Variants in SYT16 observed in about 807,000 individuals in gnomAD.
The protein encoded by SYT16 is synaptotagmin 16, also known as synaptotagmin-16.
Under a neutral mutation model 61.4 loss-of-function variants are expected in SYT16, and 42 were observed. That is an observed-to-expected ratio of 0.68 (90% CI 0.53 to 0.89). The LOEUF is 0.89. SYT16 is among the 40% of genes least tolerant of loss of function. The pLI, the probability that SYT16 is intolerant of heterozygous loss-of-function variation, is 0.00. For missense variants in SYT16, 804 were observed against 807.3 expected (o/e 1.00, Z 0.05); for synonymous variants, 314 against 302.3 (o/e 1.04, Z -0.40).
intron 1 of SYT16, among the ~76,000 whole-genome samples, chr14:61,898,938 T>A (rs1160915209): frequency 6.6e-6 from 1 of 152,188 alleles, no homozygotes; most frequent in Non-Finnish European, 1.5e-5. Context: ...TTGAGTTTTA[T>A]TTTTCATATT....
At chr14:62,099,022 G>C (rs2057350627) in intron 7 of SYT16, among the ~76,000 whole-genome samples, 1 of 152,158 alleles carries the variant, frequency 6.6e-6, no homozygotes, top group South Asian at 2.1e-4. Flanking sequence ...TGGAGGAGGG[G>C]AGGAAGTTCA....
chr14:61,865,061 G>C (rs2047101262), intron 1 of SYT16: 1 of 1,398,626 alleles, frequency 7.1e-7, no homozygotes, highest in Admixed American at 1.7e-5. Context: ...CTGCAGGCTC[G>C]ACTGTGCAGC....
At chr14:61,845,289 C>T (rs561380943) in intron 1 of SYT16, among the ~76,000 whole-genome samples, 1 of 152,134 alleles carries the variant, frequency 6.6e-6, no homozygotes, top group East Asian at 1.9e-4. Context: ...CCTCGTGATT[C>T]GCCTGCCTCA....
rs1008515917 is a variant in SYT16 at position 62,100,745 on chromosome 14, G to A, written c.*38G>A. The stretch of plus-strand genomic sequence containing the variant: ...GCATTTGTGTGCTGTGTCCACCTTG[G>A]TTACCTGTGTTGCTGTCTACTGACA... On this transcript the variant is annotated 3_prime_UTR_variant, in exon 8 of 8. Transcript: ENST00000683842. The A allele has an allele frequency of 2.5e-6, 4 of 1,579,848 alleles. No individual in the cohort carries two copies. The African/African-American group carries it at 4.0e-5, about 16-fold the overall frequency.
At position 61,846,388 on chromosome 14, in the gene SYT16, C is replaced by T. The variant is rs144875868; in HGVS notation, c.-325+33578C>T. ...AAGTTGTTATATCCTCCTGCTGAATCGACCCCTTTATCATTATATGGTGAC... is the reference window on the plus strand; with the variant it reads ...AAGTTGTTATATCCTCCTGCTGAATTGACCCCTTTATCATTATATGGTGAC... On this transcript the variant is annotated intron_variant, in intron 1 of 7. Transcript: ENST00000683842. Among the ~76,000 whole-genome samples the T allele has an allele frequency of 1.0e-2, 1,517 of 152,208 alleles. 30 individuals carry two copies. The highest frequency in any genetic ancestry group is 0.034 in the African/African-American group (1,396 of 41,536).
At chr14:61,979,775 A>G (rs918857873) in intron 2 of SYT16, among the ~76,000 whole-genome samples, 2 of 152,032 alleles carry the variant, frequency 1.3e-5, no homozygotes, top group Non-Finnish European at 2.9e-5. Flanking sequence ...CCTGCTACCC[A>G]GGAGGCTGAG....
At chr14:61,851,025 A>T (rs1034669124) in intron 1 of SYT16, among the ~76,000 whole-genome samples, 1 of 152,118 alleles carries the variant, frequency 6.6e-6, no homozygotes, top group Non-Finnish European at 1.5e-5. Flanking sequence ...TAAGCCCAGC[A>T]TCCATTAGCT....
chr14:62,053,499 C>T (rs1180016077), intron 3 of SYT16, among the ~76,000 whole-genome samples: 4 of 152,220 alleles, frequency 2.6e-5, no homozygotes, highest in South Asian at 2.1e-4. Flanking sequence ...TGCATAAGCT[C>T]ATCTCTTATA....
intron 3 of SYT16, among the ~76,000 whole-genome samples, chr14:62,005,683 A>G (rs1422565843): frequency 6.6e-6 from 1 of 152,184 alleles, no homozygotes; most frequent in Non-Finnish European, 1.5e-5. Context: ...ATGAGGAGGA[A>G]CATTTCTCTA....
chr14:62,085,618 A>G (rs893402896), intron 7 of SYT16, among the ~76,000 whole-genome samples: 5 of 152,196 alleles, frequency 3.3e-5, no homozygotes, highest in African/African-American at 1.2e-4. Context: ...TTTGCCCTTA[A>G]CTATGCTGCA....
At chr14:61,866,778 A>AT (rs1168783237) in intron 1 of SYT16, among the ~76,000 whole-genome samples, 1 of 151,912 alleles carries the variant, frequency 6.6e-6, no homozygotes. Flanking sequence ...AAATCCAATT[A>AT]TTTTTTCTTT....
intron 3 of SYT16, among the ~76,000 whole-genome samples, chr14:62,005,318 A>G (rs879445228): frequency 1.4e-4 from 21 of 152,052 alleles, no homozygotes; most frequent in African/African-American, 4.6e-4. Context: ...GTCGGTGTAC[A>G]TTGACATTTT....
chr14:61,864,714 C>T (rs1594783365), intron 1 of SYT16, among the ~76,000 whole-genome samples: 1 of 152,262 alleles, frequency 6.6e-6, no homozygotes. Context: ...GATGTGGTGG[C>T]GACTGCTCGG....
chr14:62,076,471 C>T (rs909287109), intron 5 of SYT16, among the ~76,000 whole-genome samples: 2 of 151,658 alleles, frequency 1.3e-5, no homozygotes, highest in African/African-American at 4.8e-5. Flanking sequence ...TCACAGAAAA[C>T]CCTGTTTCCA....
intron 1 of SYT16, among the ~76,000 whole-genome samples, chr14:61,842,608 A>C (rs1042208559): frequency 6.6e-6 from 1 of 152,182 alleles, no homozygotes; most frequent in Non-Finnish European, 1.5e-5. Context: ...AAAAATGATG[A>C]GTTCATGTCC....
At chr14:61,848,295 G>A (rs1330565801) in intron 1 of SYT16, among the ~76,000 whole-genome samples, 1 of 152,232 alleles carries the variant, frequency 6.6e-6, no homozygotes, top group African/African-American at 2.4e-5. Flanking sequence ...CCCATGCCCA[G>A]TAATAATGCT....
chr14:61,843,289 T>A (rs2046352194), intron 1 of SYT16, among the ~76,000 whole-genome samples: 1 of 152,250 alleles, frequency 6.6e-6, no homozygotes, highest in Admixed American at 6.5e-5. Flanking sequence ...TGAGGTGATA[T>A]CTCACTGTAG....
At chr14:61,986,580 T>A (rs2052325827) in intron 2 of SYT16, among the ~76,000 whole-genome samples, 1 of 152,014 alleles carries the variant, frequency 6.6e-6, no homozygotes, top group South Asian at 2.1e-4. Context: ...TAGGTATATC[T>A]CCTAATGGTA....
intron 3 of SYT16, among the ~76,000 whole-genome samples, chr14:62,051,021 T>C (rs1203166976): frequency 6.6e-6 from 1 of 152,272 alleles, no homozygotes; most frequent in East Asian, 1.9e-4. Context: ...CATTTACGTC[T>C]GTAGAGGTTA....
Sources: gnomAD v4.1 joint callset for allele counts (sites outside exome capture counted in the v4.1 genomes callset) on GRCh38, gnomAD v4.1.1 for gene constraint, MANE v1.5 for transcripts, NCBI Gene and HGNC (gene_info 2026-07-23, HGNC 2026-07-21) for gene names.